Variants in KMT5B observed in about 807,000 individuals in gnomAD.
KMT5B encodes the protein lysine methyltransferase 5B, also known as histone-lysine N-methyltransferase KMT5B.
Under a neutral mutation model 83.2 loss-of-function variants are expected in KMT5B, and 10 were observed. The ratio of observed to expected loss-of-function variants is 0.12; its 90% confidence interval spans 0.07 to 0.20. The LOEUF (loss-of-function observed/expected upper bound fraction) is 0.20, where lower values mean the gene tolerates loss of function less well. Among genes scored for constraint, KMT5B ranks in the 10% least tolerant of loss-of-function variants. KMT5B has a pLI of 1.00. For missense variants in KMT5B, 753 were observed against 1,067.2 expected, an observed-to-expected ratio of 0.71 and a Z score of 4.10; for synonymous variants, 349 against 388.8, an observed-to-expected ratio of 0.90 and a Z score of 1.20.
chr11:68,183,140 T>C (rs1439372920), intron 3 of KMT5B, among the ~76,000 whole-genome samples: 1 of 152,010 alleles, frequency 6.6e-6, no homozygotes, highest in African/African-American at 2.4e-5. Context: ...TTCTGGGCCT[T>C]TGTGGTGACA....
chr11:68,170,654 T>G (rs765322122), intron 9 of KMT5B, among the ~76,000 whole-genome samples: 1 of 152,206 alleles, frequency 6.6e-6, no homozygotes, highest in Non-Finnish European at 1.5e-5. Flanking sequence ...GCAAGACGAC[T>G]ATCAGTGGTG....
chr11:68,165,740 T>C (rs1256722357), intron 10 of KMT5B: 10 of 1,433,478 alleles, frequency 7.0e-6, no homozygotes, highest in Non-Finnish European at 9.2e-6. Flanking sequence ...GCATTTATTA[T>C]GAGAATCAAC....
intron 10 of KMT5B, chr11:68,164,744 TTTC>T: frequency 2.1e-6 from 1 of 486,260 alleles, no homozygotes; most frequent in Admixed American, 2.2e-5. Flanking sequence ...AATGTACACC[TTTC>T]TTCTGTAATG....
At chr11:68,188,763 G>A (rs1857709796) in intron 2 of KMT5B, among the ~76,000 whole-genome samples, 1 of 152,194 alleles carries the variant, frequency 6.6e-6, no homozygotes, top group South Asian at 2.1e-4. Flanking sequence ...AAAAACTTAA[G>A]ATATGCCTAG....
At chr11:68,200,045 C>A (rs965242079) in intron 1 of KMT5B, among the ~76,000 whole-genome samples, 1 of 152,142 alleles carries the variant, frequency 6.6e-6, no homozygotes, top group Admixed American at 6.5e-5. Flanking sequence ...GAGATGCCCA[C>A]TACAGATCCA....
At chr11:68,182,735 A>ATT (rs1013344475) in intron 3 of KMT5B, among the ~76,000 whole-genome samples, 41 of 139,190 alleles carry the variant, frequency 2.9e-4, no homozygotes, top group Middle Eastern at 3.8e-3. Flanking sequence ...TTTCATTGTA[A>ATT]TTTTTTTTTT....
intron 4 of KMT5B, 122 bp from the exon 5 acceptor site, chr11:68,175,305 T>A: frequency 1.5e-6 from 1 of 684,888 alleles, no homozygotes; most frequent in Non-Finnish European, 2.4e-6. Context: ...AGAGCAAAGA[T>A]CTAAGAGAAG....
Position 68,190,037 on chromosome 11 carries a change from C to T in KMT5B, c.40G>A (p.Gly14Ser), listed in dbSNP as rs1857869703. The T allele has an allele frequency of 6.2e-7, 1 of 1,614,020 alleles. No individual in the cohort carries two copies. ...LGESKNMVVN[G>S]RRNGGKLSND... is the part of the protein sequence containing the mutation. ...GACAACTTGCCTCCATTTCTCCTGC[C>T]ATTCACCACCATGTTCTTGGATTCT... is the stretch of plus-strand genomic sequence containing the variant. The change falls in exon 2 of 11, where the codon GGC becomes AGC. Residue 14 changes from glycine to serine, a missense_variant. Around this residue, in one of 9 missense-constraint regions of KMT5B, gnomAD observed 56 missense variants for 91.4 expected, o/e 0.61. Transcript: ENST00000304363.
At chr11:68,163,997 G>A (rs1015430176) in intron 10 of KMT5B, among the ~76,000 whole-genome samples, 5 of 152,066 alleles carry the variant, frequency 3.3e-5, no homozygotes, top group East Asian at 3.9e-4. Context: ...CAGACCGCTC[G>A]CGAGCCTCTC....
intron 1 of KMT5B, among the ~76,000 whole-genome samples, chr11:68,194,367 T>G (rs1448639073): frequency 6.6e-6 from 1 of 151,920 alleles, no homozygotes; most frequent in Non-Finnish European, 1.5e-5. Flanking sequence ...AATTTTTGTA[T>G]TTTTTAGTAG....
rs1226516274 is a variant in KMT5B at position 68,183,564 on chromosome 11, G to A, written c.308+2217C>T. ...AGTAGAGACGGGGTTTCAGCATGTT[G>A]GCCAGGCTGGTCTCGAACTCCTGAG... is the stretch of plus-strand genomic sequence containing the variant. On this transcript the variant is annotated intron_variant, in intron 3 of 10. Transcript: ENST00000304363. Among the ~76,000 whole-genome samples the A allele has an allele frequency of 2.6e-5, 4 of 151,796 alleles. No individual in the cohort carries two copies. In the East Asian group the frequency reaches 7.7e-4, roughly 29 times the overall value.
chr11:68,158,749 G>A lies in KMT5B; in HGVS notation c.1597C>T (p.Pro533Ser), dbSNP rs771629925. 6.2e-7 allele frequency: 1 copy of A among 1,614,150 alleles called. No homozygotes were observed. Residue 533 changes from proline (P) to serine (S), a missense_variant, in exon 11 of 11, where the codon CCC becomes TCC. By Grantham distance (74) the Pro-to-Ser change is moderately conservative. This residue lies in a region of KMT5B where 397 missense variants were observed against 395.9 expected (regional missense o/e 1.00). Transcript: ENST00000304363. ...GACCGCCGAGTTATGTAGGTGCAGG[G>A]CGAGCTCTCCCCCTGCGAATGAGCA... ...RGAHSQGESS[P>S]CTYITRRSVR...
At chr11:68,210,866 G>C (rs915294001) in intron 1 of KMT5B, among the ~76,000 whole-genome samples, 1 of 152,194 alleles carries the variant, frequency 6.6e-6, no homozygotes, top group Non-Finnish European at 1.5e-5. Flanking sequence ...CCTGACCACG[G>C]AGAAGGATTT....
chr11:68,158,544 T>G lies in KMT5B; in HGVS notation c.1802A>C (p.Lys601Thr). ...AHETAQKGEA[K>T]CHKSDTGMSK... Reference sequence around the variant, plus strand: ...CATGCCTGTGTCACTCTTATGACACTTTGCCTCCCCTTTTTGTGCAGTCTC... The same window carrying G: ...CATGCCTGTGTCACTCTTATGACACGTTGCCTCCCCTTTTTGTGCAGTCTC... The change falls in exon 11 of 11, where the codon AAG becomes ACG. Residue 601 changes from lysine (K) to threonine (T), a missense_variant. By Grantham distance (78) the Lys-to-Thr change is moderately conservative. This residue lies in a region of KMT5B where 397 missense variants were observed against 395.9 expected (regional missense o/e 1.00). Transcript: ENST00000304363. The G allele has an allele frequency of 6.2e-7, 1 of 1,614,206 alleles. No homozygotes were observed. The highest frequency in any genetic ancestry group is 8.5e-7 in the Non-Finnish European group (1 of 1,180,018).
chr11:68,199,043 C>T (rs1312742266), intron 1 of KMT5B, among the ~76,000 whole-genome samples: 1 of 152,146 alleles, frequency 6.6e-6, no homozygotes, highest in African/African-American at 2.4e-5. Flanking sequence ...CTGACCACTT[C>T]TTAAATGGTG....
At position 68,180,142 on chromosome 11, in the gene KMT5B, T is replaced by G. The variant is rs755643078; in HGVS notation, c.367A>C (p.Asn123His). The G allele has an allele frequency of 2.5e-6, 4 of 1,577,454 alleles. No individual in the cohort carries two copies. The Admixed American group carries it at 6.8e-5, about 27-fold the overall frequency. Reference protein sequence around the residue: ...FSKSDSFSHNNPVRFRPIKGR... With the variant: ...FSKSDSFSHNHPVRFRPIKGR... ...ACACACACTACCTACCTCACAGGGT[T>G]GTTGTGAGAAAAACTGTCAGATTTT... The change falls in exon 4 of 11, where the codon AAC (asparagine) becomes CAC (histidine). Residue 123 changes from asparagine to histidine, a missense_variant. This residue lies in a region of KMT5B where 71 missense variants were observed against 107.0 expected (regional missense o/e 0.66). Coordinates refer to ENST00000304363, the MANE Select transcript of KMT5B (RefSeq NM_017635.5).
rs1299716312 is a variant in KMT5B at position 68,164,528 on chromosome 11, G to C, written c.1174+2454C>G. 1.5e-5 allele frequency: 6 copies of C among 409,090 alleles called. No individual in the cohort carries two copies. The East Asian group carries it at 2.2e-4, about 15-fold the overall frequency. 25.3% of individuals were successfully genotyped at this position (409,090 alleles called of 1,614,324 possible). On this transcript the variant is annotated intron_variant, in intron 10 of 10. Transcript: ENST00000304363. ...TAAGAGAACGCATGTAAGAACTCAA[G>C]AAATCCTTATGTGAACATGACTTAA...
At position 68,161,764 on chromosome 11, in the gene KMT5B, C is replaced by A. The variant is rs149406214; in HGVS notation, c.1175-2593G>T. 2.0e-5 allele frequency among the ~76,000 whole-genome samples: 3 copies of A among 152,298 alleles called. No individual in the cohort carries two copies. The East Asian group carries it at 5.8e-4, about 29-fold the overall frequency. ...CATCCCTGGCACCCTCCTTCATCGG[C>A]CCCTTAGACTGTTCTTCTTCAGGTC... On this transcript the variant is annotated intron_variant, in intron 10 of 10. Transcript: ENST00000304363.
rs774385369 is a variant in KMT5B, at chr11:68,159,102, A to G, written c.1244T>C (p.Met415Thr). The change falls in exon 11 of 11, where the codon ATG becomes ACG. Residue 415 changes from methionine (M) to threonine (T), a missense_variant. Physicochemically the swap from Met to Thr is moderately conservative, Grantham distance 81 (BLOSUM62 -1). Coordinates refer to ENST00000304363, the MANE Select transcript of KMT5B (RefSeq NM_017635.5). ...SKSRTLTRQS[M>T]SRIPASSNST... ...GTTGGAAGAAGCTGGAATTCTTGACATAGATTGCCTCGTTAACGTTCTGCT... is the reference window on the plus strand; with the variant it reads ...GTTGGAAGAAGCTGGAATTCTTGACGTAGATTGCCTCGTTAACGTTCTGCT... 1.0e-5 allele frequency: 16 copies of G among 1,602,556 alleles called. No individual in the cohort carries two copies. The Middle Eastern group carries it at 8.3e-4, about 83-fold the overall frequency.
Sources: allele counts gnomAD v4.1 joint callset (sites outside exome capture counted in the v4.1 genomes callset), GRCh38; gene constraint gnomAD v4.1.1; regional missense constraint gnomAD v4.1.1; transcripts MANE v1.5; gene names NCBI Gene and HGNC (gene_info 2026-07-23, HGNC 2026-07-21).